Variants in IQCK observed in about 807,000 individuals in gnomAD.
The protein encoded by IQCK is IQ motif containing K, also known as IQ domain-containing protein K.
A neutral mutation model predicts 28.1 loss-of-function variants in IQCK; 29 were observed. The observed-to-expected ratio is 1.03, with a 90% CI of 0.77 to 1.41. The LOEUF is 1.41. Ranked by LOEUF, IQCK falls within the 40% of genes most tolerant of loss-of-function variation. The pLI is 0.00. For synonymous variants in IQCK, 113 were observed against 115.1 expected (o/e 0.98, Z 0.12); for missense variants, 359 against 314.7 (o/e 1.14, Z -1.07).
intron 1 of IQCK, among the ~76,000 whole-genome samples, chr16:19,719,334 C>G (rs1183449525): frequency 1.3e-5 from 2 of 152,014 alleles, no homozygotes; most frequent in Non-Finnish European, 2.9e-5. Flanking sequence ...CCATAAGCTC[C>G]TCAAGGTCAA....
chr16:19,815,979 AGGCATCTCACACCAAGTCGGT>A (rs1278441968), intron 7 of IQCK, among the ~76,000 whole-genome samples: 1 of 152,186 alleles, frequency 6.6e-6, no homozygotes, highest in Non-Finnish European at 1.5e-5. Flanking sequence ...ACCTTCTATG[AGGCATCTCACACCAAGTCGGT>A]GGTTCACTCT....
intron 7 of IQCK, among the ~76,000 whole-genome samples, chr16:19,817,658 C>G (rs945352899): frequency 1.4e-4 from 21 of 151,688 alleles, no homozygotes; most frequent in Admixed American, 4.6e-4. Context: ...AATGGAGAGT[C>G]AAACGATTAT....
At chr16:19,737,280 C>T (rs921817480) in intron 4 of IQCK, among the ~76,000 whole-genome samples, 2 of 152,136 alleles carry the variant, frequency 1.3e-5, no homozygotes, top group Non-Finnish European at 2.9e-5. Flanking sequence ...CAACTAGTTG[C>T]CCTTCAGCAC....
intron 4 of IQCK, among the ~76,000 whole-genome samples, chr16:19,758,798 G>T (rs943186033): frequency 6.6e-6 from 1 of 152,076 alleles, no homozygotes; most frequent in African/African-American, 2.4e-5. Context: ...GTAAAAGATT[G>T]CAGATAATCT....
intron 9 of IQCK, among the ~76,000 whole-genome samples, chr16:19,837,227 A>ACTAT (rs2056309888): frequency 6.6e-6 from 1 of 151,920 alleles, no homozygotes. Context: ...ACACAGAGAG[A>ACTAT]CTATCTCTAC....
At chr16:19,835,313 TATAAACATGTA>T (rs1169247464) in intron 9 of IQCK, among the ~76,000 whole-genome samples, 1 of 152,120 alleles carries the variant, frequency 6.6e-6, no homozygotes, top group Non-Finnish European at 1.5e-5. Flanking sequence ...TATATATATT[TATAAACATGTA>T]ACCATATTAT....
At chr16:19,766,620 T>C (rs1467829752) in intron 6 of IQCK, among the ~76,000 whole-genome samples, 1 of 152,244 alleles carries the variant, frequency 6.6e-6, no homozygotes, top group Non-Finnish European at 1.5e-5. Flanking sequence ...AATTCTTTGC[T>C]GTAAGGAGCT....
chr16:19,775,429 C>T (rs894307279), intron 6 of IQCK, among the ~76,000 whole-genome samples: 3 of 152,100 alleles, frequency 2.0e-5, no homozygotes, highest in Non-Finnish European at 2.9e-5. Context: ...TATTTAACTA[C>T]CTACCTACCA....
intron 7 of IQCK, among the ~76,000 whole-genome samples, chr16:19,805,160 G>C (rs572523853): frequency 1.8e-4 from 28 of 152,290 alleles, no homozygotes; most frequent in East Asian, 3.9e-4. Context: ...GAGCACTTCC[G>C]TTCTCAGGCA....
chr16:19,823,370 C>T (rs1187830478), intron 7 of IQCK, among the ~76,000 whole-genome samples: 2 of 152,146 alleles, frequency 1.3e-5, no homozygotes, highest in African/African-American at 4.8e-5. Flanking sequence ...CTGGGTCCTG[C>T]AGGCCTAGCA....
intron 9 of IQCK, among the ~76,000 whole-genome samples, chr16:19,851,737 AG>A (rs1190912929): frequency 1.3e-5 from 2 of 152,188 alleles, no homozygotes; most frequent in African/African-American, 4.8e-5. Context: ...AGGACAGCAT[AG>A]GGGTGCCGAG....
chr16:19,748,910 A>G (rs762568103), intron 4 of IQCK, among the ~76,000 whole-genome samples: 3 of 152,212 alleles, frequency 2.0e-5, no homozygotes, highest in Non-Finnish European at 4.4e-5. Flanking sequence ...AAAACAAAAC[A>G]AAACAAAAAA....
chr16:19,804,228 C>G (rs113418198), intron 7 of IQCK, among the ~76,000 whole-genome samples: 8,542 of 151,768 alleles, frequency 0.056, 766 homozygotes, highest in African/African-American at 0.19. Flanking sequence ...GTAGTGGATG[C>G]CTGTACTTGG....
chr16:19,820,348 C>G (rs1217561921), intron 7 of IQCK, among the ~76,000 whole-genome samples: 2 of 151,908 alleles, frequency 1.3e-5, no homozygotes, highest in Non-Finnish European at 2.9e-5. Context: ...AAAACCCCAT[C>G]TCTACTAAAA....
At chr16:19,719,042 C>G (rs151290237) in intron 1 of IQCK, among the ~76,000 whole-genome samples, 46 of 152,292 alleles carry the variant, frequency 3.0e-4, no homozygotes, top group African/African-American at 1.1e-3. Flanking sequence ...GCACATCTTC[C>G]TTTGTGGCTC....
At chr16:19,798,421 AATAT>A (rs59816251) in intron 7 of IQCK, among the ~76,000 whole-genome samples, 3 of 115,500 alleles carry the variant, frequency 2.6e-5, no homozygotes, top group Admixed American at 7.6e-5. Flanking sequence ...CATCACAAAA[AATAT>A]ATATATATAT....
At chr16:19,842,221 A>G (rs1379512714) in intron 9 of IQCK, among the ~76,000 whole-genome samples, 1 of 152,222 alleles carries the variant, frequency 6.6e-6, no homozygotes, top group African/African-American at 2.4e-5. Flanking sequence ...GGTTGCCAAA[A>G]ACATTTTGAA....
intron 6 of IQCK, among the ~76,000 whole-genome samples, chr16:19,785,376 A>G (rs1034712860): frequency 2.6e-5 from 4 of 152,162 alleles, no homozygotes; most frequent in Admixed American, 2.0e-4. Context: ...AGAAGCAGAC[A>G]CATTTGAGGA....
At chr16:19,719,026 A>G (rs1276465470) in intron 1 of IQCK, among the ~76,000 whole-genome samples, 1 of 152,200 alleles carries the variant, frequency 6.6e-6, no homozygotes, top group Non-Finnish European at 1.5e-5. Flanking sequence ...CCCCAGGCGG[A>G]GTTGAGCACA....
Sources: allele counts gnomAD v4.1 joint callset (sites outside exome capture counted in the v4.1 genomes callset), GRCh38; gene constraint gnomAD v4.1.1; transcripts MANE v1.5; gene names NCBI Gene and HGNC (gene_info 2026-07-23, HGNC 2026-07-21).